GPATCH8: variants seen among roughly 807,000 people sequenced by gnomAD.
GPATCH8 encodes the protein G patch domain-containing protein 8.
In GPATCH8, 18 loss-of-function variants were observed where a neutral mutation model predicts 118.3. That is an observed-to-expected ratio of 0.15 (90% CI 0.11 to 0.23). The LOEUF (loss-of-function observed/expected upper bound fraction) is 0.23, where lower values mean the gene tolerates loss of function less well. Ranked by LOEUF, GPATCH8 falls within the 10% of genes least tolerant of loss-of-function variation. GPATCH8 has a pLI of 1.00. For synonymous variants in GPATCH8, 659 were observed against 684.7 expected (o/e 0.96, Z 0.59); for missense variants, 1,631 against 1,873.8 (o/e 0.87, Z 2.39).
At chr17:44,422,591 G>C (rs943719677) in intron 6 of GPATCH8, among the ~76,000 whole-genome samples, 1 of 151,646 alleles carries the variant, frequency 6.6e-6, no homozygotes, top group Admixed American at 6.6e-5. Flanking sequence ...CCGGGTTCAC[G>C]CCATTCTCCT....
intron 3 of GPATCH8, among the ~76,000 whole-genome samples, chr17:44,437,169 T>C (rs941112502): frequency 5.3e-5 from 8 of 152,200 alleles, no homozygotes; most frequent in Non-Finnish European, 1.2e-4. Context: ...GAGAAAAGAA[T>C]AGTTTTCCTT....
At chr17:44,462,088 TTATC>T (rs1324187176) in intron 3 of GPATCH8, among the ~76,000 whole-genome samples, 2 of 152,066 alleles carry the variant, frequency 1.3e-5, no homozygotes, top group African/African-American at 4.8e-5. Flanking sequence ...CTTAAACACA[TTATC>T]TATCTCTTCT....
At chr17:44,452,810 T>C (rs571809176) in intron 3 of GPATCH8, among the ~76,000 whole-genome samples, 2 of 151,892 alleles carry the variant, frequency 1.3e-5, no homozygotes, top group East Asian at 1.9e-4. Context: ...TAGTGAGTTT[T>C]AACTTATCTT....
At chr17:44,412,332 T>C (rs1315875217) in intron 6 of GPATCH8, among the ~76,000 whole-genome samples, 1 of 152,166 alleles carries the variant, frequency 6.6e-6, no homozygotes, top group Non-Finnish European at 1.5e-5. Flanking sequence ...CAGTGAGCTA[T>C]GATTGTGCCA....
At chr17:44,429,694 A>ACACACACAAAAC (rs1195472951) in intron 5 of GPATCH8, among the ~76,000 whole-genome samples, 5 of 149,220 alleles carry the variant, frequency 3.4e-5, no homozygotes, top group South Asian at 2.1e-4. Context: ...ACAAAACAAC[A>ACACACACAAAAC]AACAAACAAA....
chr17:44,434,267 C>A (rs2050420466), intron 5 of GPATCH8, among the ~76,000 whole-genome samples: 1 of 150,666 alleles, frequency 6.6e-6, no homozygotes, highest in African/African-American at 2.4e-5. Flanking sequence ...TATAAATAGG[C>A]TGAAGAGTGA....
chr17:44,503,346 T>C lies in GPATCH8; in HGVS notation c.25A>G (p.Asn9Asp). 3 of 1,610,824 alleles carry C rather than the reference T, an allele frequency of 1.9e-6. No individual in the cohort carries two copies. The highest frequency in any genetic ancestry group is 2.5e-6 in the Non-Finnish European group (3 of 1,178,846). MADRFSRF[N>D]EDRDFQGNHF... The stretch of plus-strand genomic sequence containing the variant: ...TTTACCTGAAAGTCTCGGTCTTCGT[T>C]GAAGCGGGAGAAGCGGTCCGCCATT... The change falls in exon 1 of 8, where the codon AAC becomes GAC. Residue 9 changes from asparagine to aspartate, a missense_variant. Asn to Asp is a conservative substitution (Grantham distance 23). Coordinates refer to ENST00000591680, the MANE Select transcript of GPATCH8 (RefSeq NM_001002909.4).
rs747984733 is a variant in GPATCH8 at position 44,398,568 on chromosome 17, T to C, written c.3509A>G (p.Glu1170Gly). ...KCEESGLERG[E>G]EQEQSETEEG... ...TTCTGTCTCTGACTGTTCTTGCTCT[T>C]CCCCCCTTTCCAAGCCAGACTCTTC... The change falls in exon 8 of 8, where the codon GAA becomes GGA. Residue 1170 changes from glutamate to glycine, a missense_variant. By Grantham distance (98) the Glu-to-Gly change is moderately conservative. This residue lies in a region of GPATCH8 where 922 missense variants were observed against 879.7 expected (regional missense o/e 1.05). Transcript: ENST00000591680. 1 of 1,568,418 alleles carries C rather than the reference T, an allele frequency of 6.4e-7. No homozygotes were observed. Among genetic ancestry groups the C allele is most frequent in the South Asian group, 1.2e-5 (1 of 81,660 alleles).
chr17:44,464,420 CT>C (rs1458352469), intron 3 of GPATCH8, 51 bp downstream of exon 3: 1 of 1,018,336 alleles, frequency 9.8e-7, no homozygotes, highest in East Asian at 2.4e-5. Context: ...GGTACAAGAT[CT>C]GCATCAGAAA....
intron 1 of GPATCH8, among the ~76,000 whole-genome samples, chr17:44,499,211 A>C (rs781612749): frequency 1.3e-5 from 2 of 152,214 alleles, no homozygotes; most frequent in Non-Finnish European, 2.9e-5. Flanking sequence ...TCAAGCCTGT[A>C]ATCCCAGCAC....
chr17:44,464,608 G>A, intron 2 of GPATCH8, 64 bp from the exon 3 acceptor site: 1 of 967,396 alleles, frequency 1.0e-6, no homozygotes, highest in Admixed American at 1.7e-5. Flanking sequence ...CCTTCCTAGA[G>A]ACATTTAAAC....
intron 3 of GPATCH8, among the ~76,000 whole-genome samples, chr17:44,442,974 A>G (rs1178018358): frequency 1.3e-5 from 2 of 152,160 alleles, no homozygotes; most frequent in Non-Finnish European, 2.9e-5. Context: ...AGTCCTAGCC[A>G]CTGAAAATAT....
At chr17:44,468,782 A>G (rs1292309271) in intron 2 of GPATCH8, among the ~76,000 whole-genome samples, 2 of 152,132 alleles carry the variant, frequency 1.3e-5, no homozygotes, top group African/African-American at 4.8e-5. Context: ...TAGGCTGCTT[A>G]TAATTTTTTT....
chr17:44,413,850 C>A (rs898533441), intron 6 of GPATCH8, among the ~76,000 whole-genome samples: 2 of 151,976 alleles, frequency 1.3e-5, no homozygotes, highest in African/African-American at 4.8e-5. Context: ...AAATTCCTGA[C>A]TTCAAGTGAT....
chr17:44,409,421 T>C (rs1234649084), intron 6 of GPATCH8: 2 of 152,336 alleles, frequency 1.3e-5, no homozygotes, highest in Non-Finnish European at 2.9e-5. Context: ...ACTCCAAGTG[T>C]CTCCTGCCTA....
chr17:44,405,187 T>C (rs935704374), intron 7 of GPATCH8, among the ~76,000 whole-genome samples: 5 of 151,736 alleles, frequency 3.3e-5, no homozygotes, highest in Non-Finnish European at 5.9e-5. Context: ...TGTCAATTAA[T>C]AAAAACTGAA....
In GPATCH8 at chr17:44,414,145, G is replaced by A. The variant is rs1057215109; in HGVS notation, c.493-8094C>T. On this transcript the variant is annotated intron_variant, in intron 6 of 7. Coordinates refer to ENST00000591680, the MANE Select transcript of GPATCH8 (RefSeq NM_001002909.4). Reference sequence around the variant, plus strand: ...TATATATGTGTATATATATATATGTGTATATATATATGTGTATATATATAT... The same window carrying A: ...TATATATGTGTATATATATATATGTATATATATATATGTGTATATATATAT... Among the ~76,000 whole-genome samples, 17 of 29,422 alleles carry A rather than the reference G, an allele frequency of 5.8e-4. No homozygotes were observed. In the East Asian group the frequency reaches 6.6e-3, roughly 11 times the overall value. The allele number at this position is 29,422 out of a possible 152,430, so 19.3% of individuals were successfully genotyped here. A position where few individuals can be genotyped will look rare whatever the true frequency, so the allele number is the denominator to read the frequency against.
intron 3 of GPATCH8, among the ~76,000 whole-genome samples, chr17:44,463,221 T>C (rs1568025505): frequency 6.6e-6 from 1 of 152,008 alleles, no homozygotes; most frequent in Non-Finnish European, 1.5e-5. Flanking sequence ...CACCTGTCCT[T>C]GTGTTCCTCT....
In GPATCH8 at chr17:44,404,893, G is replaced by A. The variant is rs1044056142; in HGVS notation, c.623+1028C>T. ...GTTGATCTCATAGAAGTAAAAAGTA[G>A]AACAGAGGATACTAGAAGCTGGGAA... On this transcript the variant is annotated intron_variant, in intron 7 of 7. Coordinates refer to ENST00000591680, the MANE Select transcript of GPATCH8 (RefSeq NM_001002909.4). Among the ~76,000 whole-genome samples the A allele has an allele frequency of 5.9e-5, 9 of 152,046 alleles. 1 individual carries two copies. Among genetic ancestry groups the A allele is most frequent in the Admixed American group, 5.9e-4 (9 of 15,246 alleles).
Sources: gnomAD v4.1 joint callset for allele counts (sites outside exome capture counted in the v4.1 genomes callset) on GRCh38, gnomAD v4.1.1 for gene constraint, gnomAD v4.1.1 regional missense constraint, MANE v1.5 for transcripts, NCBI Gene and HGNC (gene_info 2026-07-23, HGNC 2026-07-21) for gene names.